The following TECTB variants were observed in gnomAD, a reference collection of about 807,000 sequenced individuals.
The protein encoded by TECTB is beta-tectorin.
A neutral mutation model predicts 43.3 loss-of-function variants in TECTB; 45 were observed. The ratio of observed to expected loss-of-function variants is 1.04; its 90% CI spans 0.82 to 1.33. The LOEUF is 1.33. TECTB is among the 40% of genes most tolerant of loss of function. TECTB has a pLI of 0.00. For missense variants in TECTB, 399 were observed against 404.7 expected (o/e 0.99, Z 0.12); for synonymous variants, 169 against 156.7 (o/e 1.08, Z -0.59).
rs768818453 is a variant in TECTB at position 112,283,747 on chromosome 10, G to A, written c.13G>A (p.Ala5Thr). ...GTTCTGAGAAGCAATGGTGACGAAG[G>A]CCTTTGTCTTGTTGGCCATCTTTGC... MVTK[A>T]FVLLAIFAEA... Residue 5 changes from alanine to threonine, a missense_variant, in exon 2 of 11, where the codon GCC (alanine) becomes ACC (threonine). By Grantham distance (58) the Ala-to-Thr change is moderately conservative (BLOSUM62 0). Coordinates refer to ENST00000646139, the MANE Select transcript of TECTB (RefSeq NM_058222.3). 1.2e-6 allele frequency: 2 copies of A among 1,613,860 alleles called. No homozygotes were observed. The highest frequency in any genetic ancestry group is 1.7e-6 in the Non-Finnish European group (2 of 1,179,880).
Position 112,298,111 on chromosome 10 carries a change from A to C in TECTB, c.714A>C (p.Arg238Ser), listed in dbSNP as rs1229642644. Residue 238 changes from arginine (R) to serine (S), a missense_variant, in exon 8 of 11, where the codon AGA (arginine) becomes AGC (serine). Physicochemically the swap from Arg to Ser is moderately radical, Grantham distance 110. Transcript: ENST00000646139. ...CCGTCCTCGTGCATGAGAATGGGAG[A>C]GATCACAGGGCAACCTTCCAATTCA... is the stretch of plus-strand genomic sequence containing the variant. ...DETVLVHENG[R>S]DHRATFQFNA... The C allele has an allele frequency of 6.2e-7, 1 of 1,614,202 alleles. No homozygotes were observed. Among genetic ancestry groups the C allele is most frequent in the Non-Finnish European group, 8.5e-7 (1 of 1,180,042 alleles).
intron 2 of TECTB, among the ~76,000 whole-genome samples, chr10:112,284,251 C>G (rs1303287055): frequency 6.6e-6 from 1 of 152,088 alleles, no homozygotes; most frequent in South Asian, 2.1e-4. Context: ...CTAATACATC[C>G]TACCTGTGGT....
chr10:112,290,093 G>C (rs1326792324), intron 5 of TECTB, among the ~76,000 whole-genome samples: 1 of 152,116 alleles, frequency 6.6e-6, no homozygotes, highest in African/African-American at 2.4e-5. Flanking sequence ...CAATTCTTAA[G>C]TTTTAAATTG....
chr10:112,285,549 GGTCA>G (rs1281868887), intron 3 of TECTB, among the ~76,000 whole-genome samples: 1 of 152,188 alleles, frequency 6.6e-6, no homozygotes, highest in Non-Finnish European at 1.5e-5. Context: ...TGTGGTCTCA[GGTCA>G]GTCACTTTTC....
In TECTB at chr10:112,283,705, T is replaced by C. The variant is rs914773342; in HGVS notation, c.-30T>C. On this transcript the variant is annotated 5_prime_UTR_variant, in exon 2 of 11. Coordinates refer to ENST00000646139, the MANE Select transcript of TECTB (RefSeq NM_058222.3). ...AAACATTTGGCCAGCTTGGTTTGGA[T>C]ACCTGGCAGAGACCAGGTTCTGAGA... 1.2e-6 allele frequency: 2 copies of C among 1,609,470 alleles called. No individual in the cohort carries two copies. Among genetic ancestry groups the C allele is most frequent in the Non-Finnish European group, 1.7e-6 (2 of 1,176,284 alleles).
At chr10:112,293,939 T>G in intron 6 of TECTB, 39 bp from the exon 7 acceptor site, 1 of 1,610,828 alleles carries the variant, frequency 6.2e-7, no homozygotes, top group South Asian at 1.1e-5. Context: ...GGCATAAGAT[T>G]CTCTGTTTCA....
At chr10:112,287,051 C>G (rs749455629) in intron 5 of TECTB, among the ~76,000 whole-genome samples, 3 of 152,164 alleles carry the variant, frequency 2.0e-5, no homozygotes, top group Non-Finnish European at 4.4e-5. Flanking sequence ...GACTCTTAGT[C>G]AAGATTAGTT....
intron 7 of TECTB, among the ~76,000 whole-genome samples, chr10:112,296,832 G>A (rs760947216): frequency 3.9e-5 from 6 of 152,172 alleles, no homozygotes; most frequent in Admixed American, 6.5e-5. Flanking sequence ...GCTCTCTGGC[G>A]TGTGTGCCGA....
chr10:112,283,666 C>T lies in TECTB; in HGVS notation c.-69C>T. ...GACTTAGAATGATCGAGGCTCAGGC[C>T]CTGGAAGGACCGTAAACATTTGGCC... On this transcript the variant is annotated 5_prime_UTR_variant, in exon 2 of 11. Transcript: ENST00000646139. 6.9e-7 allele frequency: 1 copy of T among 1,459,840 alleles called. No homozygotes were observed. The highest frequency in any genetic ancestry group is 9.6e-7 in the Non-Finnish European group (1 of 1,046,686). 90.4% of individuals were successfully genotyped at this position (1,459,840 alleles called of 1,614,324 possible).
At position 112,304,161 on chromosome 10, in the gene TECTB, G is replaced by C. The variant is rs1848633964; in HGVS notation, c.*849G>C. 6.6e-6 allele frequency: 1 copy of C among 152,208 alleles called. No individual in the cohort carries two copies. Among genetic ancestry groups the C allele is most frequent in the African/African-American group, 2.4e-5 (1 of 41,450 alleles). The allele number at this position is 152,208 out of a possible 1,614,324, so 9.4% of individuals were successfully genotyped here. A position where few individuals can be genotyped will look rare whatever the true frequency, so the allele number is the denominator to read the frequency against. On this transcript the variant is annotated 3_prime_UTR_variant, in exon 11 of 11. Transcript: ENST00000646139. Reference sequence around the variant, plus strand: ...CTATAAAGTGACTCCAATGACACAAGTGCTGTGAGTTTGGTGACCCAATCC... The same window carrying C: ...CTATAAAGTGACTCCAATGACACAACTGCTGTGAGTTTGGTGACCCAATCC...
intron 8 of TECTB, 115 bp downstream of exon 8, chr10:112,298,346 T>A: frequency 1.5e-6 from 2 of 1,354,954 alleles, no homozygotes; most frequent in South Asian, 2.8e-5. Flanking sequence ...GCTGAGGACA[T>A]CTGGAGGAAA....
intron 10 of TECTB, 44 bp downstream of exon 10, chr10:112,302,177 T>G (rs372622336): frequency 2.4e-5 from 38 of 1,604,870 alleles, no homozygotes; most frequent in Non-Finnish European, 2.9e-5. Flanking sequence ...GGCTATGCTG[T>G]TAAAAGGCAG....
intron 2 of TECTB, 55 bp downstream of exon 2, chr10:112,283,865 T>C (rs1848433162): frequency 2.6e-6 from 4 of 1,566,556 alleles, no homozygotes; most frequent in Admixed American, 1.7e-5. Flanking sequence ...GAAGTTTCCT[T>C]TTACAATGCT....
At chr10:112,292,585 A>G (rs1848508285) in intron 5 of TECTB, among the ~76,000 whole-genome samples, 1 of 151,976 alleles carries the variant, frequency 6.6e-6, no homozygotes, top group Non-Finnish European at 1.5e-5. Flanking sequence ...CAGGGACTAC[A>G]GATGCCTGCC....
rs190048276 is a variant in TECTB at position 112,299,234 on chromosome 10, T to A, written c.835-258T>A. 3.3e-3 allele frequency among the ~76,000 whole-genome samples: 496 copies of A among 152,348 alleles called. 3 individuals carry two copies. The highest frequency in any genetic ancestry group is 4.7e-3 in the Non-Finnish European group (318 of 68,038). On this transcript the variant is annotated intron_variant, in intron 8 of 10. Coordinates refer to ENST00000646139, the MANE Select transcript of TECTB (RefSeq NM_058222.3). ...TCAATCCCTTCCACACTCAATGACC[T>A]CTTCCAGAAGGATTCCCTCTGGCTT... is the stretch of plus-strand genomic sequence containing the variant.
chr10:112,303,063 G>A (rs1210299446), intron 10 of TECTB, 200 bp from the exon 11 acceptor site: 7 of 590,526 alleles, frequency 1.2e-5, no homozygotes, highest in Non-Finnish European at 2.1e-5. Flanking sequence ...ATTTGTCAGA[G>A]GTCCACAACC....
In TECTB at chr10:112,298,236, G is replaced by A; in HGVS notation, c.834+5G>A. ...GAGAAACTCTCCTGCCCAGTGGTGA[G>A]CTGCCTCTCTCCAGAAGGACAATGT... On this transcript the variant is annotated splice_donor_5th_base_variant and intron_variant, in intron 8 of 10. Coordinates refer to ENST00000646139, the MANE Select transcript of TECTB (RefSeq NM_058222.3). 1 of 1,611,620 alleles carries A rather than the reference G, an allele frequency of 6.2e-7. No homozygotes were observed. Among genetic ancestry groups the A allele is most frequent in the Non-Finnish European group, 8.5e-7 (1 of 1,178,884 alleles).
At chr10:112,303,032 C>T in intron 10 of TECTB, 1 of 561,050 alleles carries the variant, frequency 1.8e-6, no homozygotes, top group Non-Finnish European at 3.2e-6. Context: ...CCTAGAGTAC[C>T]ATGCACCATC....
chr10:112,285,804 A>G (rs967163477), intron 3 of TECTB, among the ~76,000 whole-genome samples: 2 of 152,226 alleles, frequency 1.3e-5, no homozygotes, highest in Non-Finnish European at 2.9e-5. Flanking sequence ...CTTTTTGGTC[A>G]GAAGCCCAAT....
Sources: allele counts gnomAD v4.1 joint callset (sites outside exome capture counted in the v4.1 genomes callset), GRCh38; gene constraint gnomAD v4.1.1; transcripts MANE v1.5; gene names NCBI Gene and HGNC (gene_info 2026-07-23, HGNC 2026-07-21).